BCR: variants seen among roughly 807,000 people sequenced by gnomAD.
BCR encodes BCR activator of RhoGEF and GTPase.
BCR carries 58 observed loss-of-function variants against 138.6 expected under a neutral mutation model. That is an observed-to-expected ratio of 0.42 (90% CI 0.34 to 0.52). BCR has a LOEUF of 0.52. Among genes scored for constraint, BCR ranks in the 20% least tolerant of loss-of-function variants. BCR has a pLI of 0.06. For missense variants in BCR, 1,599 were observed against 1,727.2 expected (o/e 0.93, Z 1.32); for synonymous variants, 786 against 730.1 (o/e 1.08, Z -1.23).
chr22:23,271,397 C>T (rs983276845), intron 5 of BCR, 135 bp from the exon 6 acceptor site: 1 of 887,954 alleles, frequency 1.1e-6, no homozygotes. Context: ...CACCCTGTGA[C>T]TTCATTATCA....
intron 1 of BCR, among the ~76,000 whole-genome samples, chr22:23,187,485 T>C (rs1048401084): frequency 1.4e-5 from 2 of 145,578 alleles, no homozygotes; most frequent in African/African-American, 5.2e-5. Flanking sequence ...CTCCTTCTCT[T>C]TCTCTCTCTC....
rs2073762962 is a variant in BCR, at chr22:23,289,755, G to C, written c.2707+134G>C. 1.2e-5 allele frequency: 9 copies of C among 772,562 alleles called. No individual in the cohort carries two copies. The South Asian group carries it at 1.3e-4, about 11-fold the overall frequency. 47.9% of individuals were successfully genotyped at this position (772,562 alleles called of 1,614,324 possible). On this transcript the variant is annotated intron_variant, in intron 13 of 22. Coordinates refer to ENST00000305877, the MANE Select transcript of BCR (RefSeq NM_004327.4). ...TGGTTCAGAAGGAAGAGCTATGCTT[G>C]TTAGGGCCTCTTGTCTCCTCCCAGG...
At chr22:23,261,568 C>T (rs2073357256) in intron 4 of BCR, 28 bp downstream of exon 4, 2 of 1,606,218 alleles carry the variant, frequency 1.2e-6, no homozygotes, top group African/African-American at 1.3e-5. Flanking sequence ...GGTGCTGGGA[C>T]TACAGGCGTG....
chr22:23,187,589 C>T (rs1196728120), intron 1 of BCR, among the ~76,000 whole-genome samples: 1 of 151,940 alleles, frequency 6.6e-6, no homozygotes, highest in Non-Finnish European at 1.5e-5. Context: ...CCACCTCAGC[C>T]TCCCAAAGTG....
chr22:23,182,089 T>G lies in BCR; in HGVS notation c.1129T>G (p.Ser377Ala). 1 of 1,613,152 alleles carries G rather than the reference T, an allele frequency of 6.2e-7. No individual in the cohort carries two copies. Among genetic ancestry groups the G allele is most frequent in the Non-Finnish European group, 8.5e-7 (1 of 1,180,016 alleles). Residue 377 changes from serine to alanine, a missense_variant, in exon 1 of 23, where the codon TCC (serine) becomes GCC (alanine). Ser to Ala is a moderately conservative substitution (Grantham distance 99). Coordinates refer to ENST00000305877, the MANE Select transcript of BCR (RefSeq NM_004327.4). Reference protein sequence around the residue: ...SRSPSQNSQQSFDSSSPPTPQ... With the variant: ...SRSPSQNSQQAFDSSSPPTPQ... ...CTCTCCCTCGCAGAACTCGCAACAGTCCTTCGACAGCAGCAGTCCCCCCAC... is the reference window on the plus strand; with the variant it reads ...CTCTCCCTCGCAGAACTCGCAACAGGCCTTCGACAGCAGCAGTCCCCCCAC...
At chr22:23,232,983 T>C (rs144209174) in intron 1 of BCR, among the ~76,000 whole-genome samples, 5 of 152,318 alleles carry the variant, frequency 3.3e-5, no homozygotes, top group Non-Finnish European at 4.4e-5. Context: ...GGGGATCGCA[T>C]TGAGGGAAGA....
intron 1 of BCR, among the ~76,000 whole-genome samples, chr22:23,233,748 C>T (rs564598051): frequency 6.7e-6 from 1 of 150,192 alleles, no homozygotes; most frequent in African/African-American, 2.5e-5. Context: ...TGAGATCACA[C>T]CACTGCACGC....
At chr22:23,227,850 T>G (rs1057068089) in intron 1 of BCR, among the ~76,000 whole-genome samples, 4 of 152,342 alleles carry the variant, frequency 2.6e-5, no homozygotes, top group African/African-American at 9.6e-5. Flanking sequence ...TGGGTCGTGG[T>G]TCTGTCTGCC....
chr22:23,263,409 A>G (rs2073396446), intron 4 of BCR: 1 of 1,263,860 alleles, frequency 7.9e-7, no homozygotes, highest in African/African-American at 1.5e-5. Flanking sequence ...TGTCCCAGTG[A>G]AGGTGTCTCA....
chr22:23,236,172 G>A (rs1419094377), intron 1 of BCR, among the ~76,000 whole-genome samples: 1 of 152,180 alleles, frequency 6.6e-6, no homozygotes, highest in East Asian at 1.9e-4. Flanking sequence ...CAGCCAGGTG[G>A]CCTCCACGTA....
At chr22:23,194,433 T>C (rs1029629900) in intron 1 of BCR, among the ~76,000 whole-genome samples, 4 of 150,976 alleles carry the variant, frequency 2.6e-5, no homozygotes, top group African/African-American at 9.8e-5. Flanking sequence ...TTCTTTGAGA[T>C]GGGGTCTCGC....
chr22:23,313,913 G>C (rs1162358079), intron 20 of BCR, 55 bp from the exon 21 acceptor site: 12 of 1,435,786 alleles, frequency 8.4e-6, no homozygotes, highest in Non-Finnish European at 1.1e-5. Flanking sequence ...TGAACACCTC[G>C]GGAGAGGTCT....
intron 1 of BCR, among the ~76,000 whole-genome samples, chr22:23,204,371 A>G (rs1399288151): frequency 6.6e-6 from 1 of 152,134 alleles, no homozygotes; most frequent in African/African-American, 2.4e-5. Context: ...GAATGGCAGC[A>G]TTTTTAAGAT....
At chr22:23,289,463 A>G (rs1345576423) in intron 12 of BCR, 54 bp from the exon 13 acceptor site, 6 of 1,470,660 alleles carry the variant, frequency 4.1e-6, no homozygotes, top group African/African-American at 1.4e-5. Context: ...GGGAGGGGCC[A>G]GAGGGCCAAG....
At chr22:23,309,028 A>G (rs143777398) in intron 16 of BCR, among the ~76,000 whole-genome samples, 11,538 of 152,016 alleles carry the variant, frequency 0.076, 490 homozygotes, top group East Asian at 0.15. Flanking sequence ...AATTCCCCAG[A>G]CAGCAGCTGT....
intron 1 of BCR, among the ~76,000 whole-genome samples, chr22:23,198,050 G>C (rs1486286239): frequency 6.6e-6 from 1 of 152,132 alleles, no homozygotes; most frequent in Non-Finnish European, 1.5e-5. Flanking sequence ...CTTGCGTCCT[G>C]GGGGAGGTCA....
At chr22:23,284,311 G>C (rs2073684691) in intron 9 of BCR, among the ~76,000 whole-genome samples, 1 of 152,082 alleles carries the variant, frequency 6.6e-6, no homozygotes, top group Non-Finnish European at 1.5e-5. Context: ...CCTGTAGTGA[G>C]GGGTAAACCC....
intron 1 of BCR, among the ~76,000 whole-genome samples, chr22:23,205,641 AAT>A: frequency 2.2e-5 from 3 of 137,960 alleles, no homozygotes. Context: ...TTGAACCAAT[AAT>A]TTTTTTTTTT....
At chr22:23,263,480 G>A in intron 4 of BCR, 1 of 1,534,494 alleles carries the variant, frequency 6.5e-7, no homozygotes, top group Non-Finnish European at 9.0e-7. Context: ...GCAGTCAGAT[G>A]CCCTGGATGC....
Sources: gnomAD v4.1 joint callset for allele counts (sites outside exome capture counted in the v4.1 genomes callset) on GRCh38, gnomAD v4.1.1 for gene constraint, MANE v1.5 for transcripts, NCBI Gene and HGNC (gene_info 2026-07-23, HGNC 2026-07-21) for gene names.